Variants in KCNMB2 observed in about 807,000 individuals in gnomAD.
KCNMB2 encodes the protein potassium calcium-activated channel subfamily M regulatory beta subunit 2.
Under a neutral mutation model 24.5 loss-of-function variants are expected in KCNMB2, and 9 were observed. That is an observed-to-expected ratio of 0.37 (90% CI 0.22 to 0.64). The LOEUF is 0.64. Ranked by LOEUF, KCNMB2 falls within the 30% of genes least tolerant of loss-of-function variation. KCNMB2 has a pLI of 0.63. For synonymous variants in KCNMB2, 109 were observed against 104.4 expected (o/e 1.04, Z -0.27); for missense variants, 226 against 284.3 (o/e 0.79, Z 1.47).
intron 1 of KCNMB2, among the ~76,000 whole-genome samples, chr3:178,644,514 CCTGGCTTAG>C (rs1392547179): frequency 1.3e-5 from 2 of 152,214 alleles, no homozygotes; most frequent in Admixed American, 6.5e-5. Flanking sequence ...ACTCCACCTG[CCTGGCTTAG>C]CAGGCCCTCT....
At chr3:178,818,941 C>T (rs900559292) in intron 2 of KCNMB2, among the ~76,000 whole-genome samples, 9 of 152,200 alleles carry the variant, frequency 5.9e-5, no homozygotes, top group African/African-American at 9.6e-5. Flanking sequence ...CTTCCTTTCT[C>T]AATCATTTGC....
intron 1 of KCNMB2, among the ~76,000 whole-genome samples, chr3:178,753,902 T>C (rs1425120001): frequency 2.0e-5 from 3 of 151,970 alleles, no homozygotes; most frequent in Non-Finnish European, 2.9e-5. Flanking sequence ...ATTCCTCCTA[T>C]CTAACTGAAA....
chr3:178,704,543 T>C (rs952588918), intron 1 of KCNMB2, among the ~76,000 whole-genome samples: 12 of 152,152 alleles, frequency 7.9e-5, no homozygotes, highest in African/African-American at 2.9e-4. Flanking sequence ...TATTGGCACA[T>C]GGTTATAGAA....
intron 1 of KCNMB2, among the ~76,000 whole-genome samples, chr3:178,713,229 C>A (rs1459399311): frequency 6.6e-6 from 1 of 152,168 alleles, no homozygotes; most frequent in African/African-American, 2.4e-5. Context: ...GCCTCTTCAT[C>A]CTGTGGTTAC....
chr3:178,636,048 C>CTTTAA (rs1719509160), intron 1 of KCNMB2, among the ~76,000 whole-genome samples: 1 of 152,128 alleles, frequency 6.6e-6, no homozygotes, highest in South Asian at 2.1e-4. Flanking sequence ...TAATTTTGAA[C>CTTTAA]TTTGATTTTA....
intron 1 of KCNMB2, among the ~76,000 whole-genome samples, chr3:178,730,475 T>C (rs1723113619): frequency 7.1e-6 from 1 of 140,500 alleles, no homozygotes; most frequent in Non-Finnish European, 1.5e-5. Flanking sequence ...AATAATTTCC[T>C]AACTGATCTC....
At chr3:178,808,164 A>G (rs1425692175) in intron 2 of KCNMB2, among the ~76,000 whole-genome samples, 1 of 152,280 alleles carries the variant, frequency 6.6e-6, no homozygotes, top group East Asian at 1.9e-4. Flanking sequence ...GCATTAATGA[A>G]AGACAAGATG....
chr3:178,700,525 C>T (rs1005142435), intron 1 of KCNMB2, among the ~76,000 whole-genome samples: 3 of 152,220 alleles, frequency 2.0e-5, no homozygotes, highest in Non-Finnish European at 2.9e-5. Flanking sequence ...GCCCAATGCC[C>T]TTCTTTCTCA....
At chr3:178,784,433 T>C (rs1175310053) in intron 1 of KCNMB2, among the ~76,000 whole-genome samples, 2 of 152,194 alleles carry the variant, frequency 1.3e-5, no homozygotes, top group African/African-American at 4.8e-5. Flanking sequence ...GGAGTATATG[T>C]GTCCCTAATT....
chr3:178,709,356 G>A (rs920399382), intron 1 of KCNMB2, among the ~76,000 whole-genome samples: 11 of 152,086 alleles, frequency 7.2e-5, no homozygotes, highest in African/African-American at 2.7e-4. Flanking sequence ...AAATCACCTG[G>A]GCTTCAGCTC....
At chr3:178,787,058 T>C (rs1350523339) in intron 1 of KCNMB2, among the ~76,000 whole-genome samples, 1 of 152,106 alleles carries the variant, frequency 6.6e-6, no homozygotes, top group African/African-American at 2.4e-5. Context: ...CGACCCCAGT[T>C]ACAGATGAGT....
At chr3:178,650,984 C>T (rs1720095452) in intron 1 of KCNMB2, among the ~76,000 whole-genome samples, 1 of 152,310 alleles carries the variant, frequency 6.6e-6, no homozygotes, top group South Asian at 2.1e-4. Flanking sequence ...GAAGCATTCC[C>T]TTTGAAAAAC....
chr3:178,659,842 C>T (rs1261779700), intron 1 of KCNMB2, among the ~76,000 whole-genome samples: 3 of 151,914 alleles, frequency 2.0e-5, no homozygotes, highest in Non-Finnish European at 4.4e-5. Flanking sequence ...ATTATCATTA[C>T]TATTATTATT....
intron 1 of KCNMB2, among the ~76,000 whole-genome samples, chr3:178,759,526 TATATAC>T (rs1295907297): frequency 7.9e-6 from 1 of 126,970 alleles, no homozygotes; most frequent in Non-Finnish European, 1.6e-5. Context: ...CAAGAGGATA[TATATAC>T]ATATATCTCT....
At chr3:178,758,344 GGATATAT>G (rs1724286736) in intron 1 of KCNMB2, among the ~76,000 whole-genome samples, 2 of 9,686 alleles carry the variant, frequency 2.1e-4, no homozygotes, top group Non-Finnish European at 2.9e-4. Context: ...CTCCAAGAGG[GGATATAT>G]ATATATATAT....
rs547534565 is a variant in KCNMB2, at chr3:178,772,380, G to A, written c.-67-34963G>A. On this transcript the variant is annotated intron_variant, in intron 1 of 4. Coordinates refer to ENST00000452583, the MANE Select transcript of KCNMB2 (RefSeq NM_181361.3). Reference sequence around the variant, plus strand: ...ATGTGTCATGGGAGGAGGCTGGAAGGATGCAACTGAATTTTGGGGGCAGGT... The same window carrying A: ...ATGTGTCATGGGAGGAGGCTGGAAGAATGCAACTGAATTTTGGGGGCAGGT... Among the ~76,000 whole-genome samples the A allele has an allele frequency of 5.3e-5, 8 of 152,296 alleles. No homozygotes were observed. In the South Asian group the frequency reaches 1.5e-3, roughly 28 times the overall value.
chr3:178,679,432 C>T (rs1052845842), intron 1 of KCNMB2, among the ~76,000 whole-genome samples: 3 of 152,124 alleles, frequency 2.0e-5, no homozygotes, highest in African/African-American at 4.8e-5. Flanking sequence ...TGAATGAATG[C>T]GTATTAAAAT....
chr3:178,669,589 C>A (rs548599627), intron 1 of KCNMB2, among the ~76,000 whole-genome samples: 4 of 152,158 alleles, frequency 2.6e-5, no homozygotes, highest in Admixed American at 2.6e-4. Flanking sequence ...AACACATTGG[C>A]TAAATTCTAA....
At chr3:178,673,982 C>T (rs192557938) in intron 1 of KCNMB2, among the ~76,000 whole-genome samples, 69 of 152,268 alleles carry the variant, frequency 4.5e-4, no homozygotes, top group Admixed American at 3.9e-3. Flanking sequence ...TTTACTAAAC[C>T]TCTACTTGTT....
Sources: gnomAD v4.1 joint callset for allele counts (sites outside exome capture counted in the v4.1 genomes callset) on GRCh38, gnomAD v4.1.1 for gene constraint, MANE v1.5 for transcripts, NCBI Gene and HGNC (gene_info 2026-07-23, HGNC 2026-07-21) for gene names.